PRPF39: variants seen among roughly 807,000 people sequenced by gnomAD.
PRPF39 encodes pre-mRNA processing factor 39.
In PRPF39, 27 loss-of-function variants were observed where a neutral mutation model predicts 82.1. That is an observed-to-expected ratio of 0.33 (90% confidence interval 0.24 to 0.45). The LOEUF is 0.45. PRPF39 is among the 20% of genes least tolerant of loss of function. The pLI is 1.00. For missense variants in PRPF39, 581 were observed against 796.9 expected (o/e 0.73, Z 3.26); for synonymous variants, 261 against 256.4 (o/e 1.02, Z -0.17).
At chr14:45,095,058 A>G (rs1356331680) in intron 1 of PRPF39, among the ~76,000 whole-genome samples, 163 bp from the exon 2 acceptor site, 1 of 152,200 alleles carries the variant, frequency 6.6e-6, no homozygotes, top group East Asian at 1.9e-4. Flanking sequence ...TTTTATTTAC[A>G]ATATAAAAAC....
At position 45,110,623 on chromosome 14, in the gene PRPF39, C is replaced by T. The variant is rs199930230; in HGVS notation, c.1378C>T (p.Arg460Ter). The change falls in exon 10 of 14, where the codon CGA (arginine) becomes TGA (stop). Residue 460 changes from arginine (R) to a stop codon, truncating the protein, a stop_gained. Transcript: ENST00000355765. LOFTEE classifies it high-confidence loss of function. The surrounding 1 kb of genome is among the most constrained non-coding windows in gnomAD (Gnocchi z 4.0). ...TCTAGGATTGGCAATGGTTCGTTTA[C>T]GAAGAGTAAGTTTAGAACGACGGCA... Reference protein sequence around the residue: ...CVLGLAMVRLRRVSLERRHGN... With the variant: ...CVLGLAMVRL The T allele has an allele frequency of 1.9e-6, 3 of 1,574,232 alleles. No homozygotes were observed. The highest frequency in any genetic ancestry group is 2.6e-6 in the Non-Finnish European group (3 of 1,158,406).
rs1344816274 is a variant in PRPF39 at position 45,116,275 on chromosome 14, T to C, written c.*1362T>C. ...ATTCTGTTGAAGAAGTCAAGGTACA[T>C]TTGATAAAAAGTGCCTCTCCCCTAC... On this transcript the variant is annotated 3_prime_UTR_variant, in exon 14 of 14. Transcript: ENST00000355765. The C allele has an allele frequency of 1.9e-6, 3 of 1,605,522 alleles. No homozygotes were observed. In the South Asian group the frequency reaches 3.3e-5, roughly 18 times the overall value.
intron 1 of PRPF39, among the ~76,000 whole-genome samples, chr14:45,086,855 T>G (rs532879763): frequency 1.6e-4 from 24 of 150,332 alleles, no homozygotes; most frequent in Non-Finnish European, 1.9e-4. Flanking sequence ...AGTTTTTTTT[T>G]TTTTTTTTTT....
Position 45,110,715 on chromosome 14 carries a change from A to C in PRPF39, c.1470A>C (p.Glu490Asp), listed in dbSNP as rs763674943. 1 of 1,565,654 alleles carries C rather than the reference A, an allele frequency of 6.4e-7. No homozygotes were observed. Among genetic ancestry groups the C allele is most frequent in the Non-Finnish European group, 8.7e-7 (1 of 1,154,002 alleles). The change falls in exon 10 of 14, where the codon GAA becomes GAC. Residue 490 changes from glutamate to aspartate, a missense_variant. Glu to Asp is a conservative substitution (Grantham distance 45). Coordinates refer to ENST00000355765, the MANE Select transcript of PRPF39 (RefSeq NM_017922.4). The surrounding 1 kb of genome is among the most constrained non-coding windows in gnomAD (Gnocchi z 4.0). ...DAIKNAKSNN[E>D]SSFYAVKLAR... ...TTAAGAATGCCAAATCAAATAATGA[A>C]TCTTCATTTTATGCTGTCAAACTAG...
chr14:45,100,537 C>T lies in PRPF39; in HGVS notation c.570-1992C>T, dbSNP rs1293982053. On this transcript the variant is annotated intron_variant, in intron 4 of 13. Coordinates refer to ENST00000355765, the MANE Select transcript of PRPF39 (RefSeq NM_017922.4). Reference sequence around the variant, plus strand: ...TTCATTAAGTATACCTTCTTCTAAACGTTCTGTCTTCATTTCATTACCTTC... The same window carrying T: ...TTCATTAAGTATACCTTCTTCTAAATGTTCTGTCTTCATTTCATTACCTTC... 6.6e-5 allele frequency among the ~76,000 whole-genome samples: 10 copies of T among 152,288 alleles called. No homozygotes were observed. In the East Asian group the frequency reaches 7.7e-4, roughly 12 times the overall value.
At position 45,116,156 on chromosome 14, in the gene PRPF39, T is replaced by C. The variant is rs910036338; in HGVS notation, c.*1243T>C. Reference sequence around the variant, plus strand: ...TGTAAATTTCTTCAAGGCCAAGTTTTATCATTGTTGCTAATATCCTTAGAG... The same window carrying C: ...TGTAAATTTCTTCAAGGCCAAGTTTCATCATTGTTGCTAATATCCTTAGAG... On this transcript the variant is annotated 3_prime_UTR_variant, in exon 14 of 14. Coordinates refer to ENST00000355765, the MANE Select transcript of PRPF39 (RefSeq NM_017922.4). 7.6e-6 allele frequency: 11 copies of C among 1,445,890 alleles called. No homozygotes were observed. Among genetic ancestry groups the C allele is most frequent in the Non-Finnish European group, 9.7e-6 (10 of 1,031,510 alleles). The allele number at this position is 1,445,890 out of a possible 1,614,324, so 89.6% of individuals were successfully genotyped here. A position where few individuals can be genotyped will look rare whatever the true frequency, so the allele number is the denominator to read the frequency against.
intron 5 of PRPF39, among the ~76,000 whole-genome samples, chr14:45,107,155 C>T (rs1884560283): frequency 6.6e-6 from 1 of 152,022 alleles, no homozygotes; most frequent in Non-Finnish European, 1.5e-5. Context: ...GAAAACCTTC[C>T]CTAGTCAGAT....
rs113629094 is a variant in PRPF39, at chr14:45,092,909, T to TAA, written c.-19-2303_-19-2302dup. Among the ~76,000 whole-genome samples the TAA allele has an allele frequency of 5.3e-3, 786 of 149,710 alleles. 12 individuals are homozygous for TAA. Among genetic ancestry groups the TAA allele is most frequent in the African/African-American group, 0.018 (737 of 41,008 alleles). On this transcript the variant is annotated intron_variant, in intron 1 of 13. Transcript: ENST00000355765. ...TATAGTATGGTAGTCATAAAATTGT[T>TAA]AAAAAAAAAATGTATCCAGTCAACT... is the stretch of plus-strand genomic sequence containing the variant.
At chr14:45,106,360 TAAAG>T (rs771340874) in intron 5 of PRPF39, among the ~76,000 whole-genome samples, 3 of 151,660 alleles carry the variant, frequency 2.0e-5, no homozygotes, top group East Asian at 1.9e-4. Context: ...CACAAGAAAA[TAAAG>T]AAAGAAATAC....
intron 6 of PRPF39, among the ~76,000 whole-genome samples, chr14:45,107,924 A>G (rs1458370387): frequency 2.6e-5 from 4 of 151,412 alleles, no homozygotes; most frequent in Non-Finnish European, 5.9e-5. Flanking sequence ...GCAAGACTCC[A>G]TCTCGGGGGG....
chr14:45,114,939 AGT>A lies in PRPF39; in HGVS notation c.*32_*33del. On this transcript the variant is annotated 3_prime_UTR_variant, in exon 14 of 14. Coordinates refer to ENST00000355765, the MANE Select transcript of PRPF39 (RefSeq NM_017922.4). ...TGGGAAAAATGTAAATTTCAAATGC[AGT>A]GTGTGAAAAGTATGAAATTATTATT... 6.5e-7 allele frequency: 1 copy of A among 1,535,040 alleles called. No individual in the cohort carries two copies. Among genetic ancestry groups the A allele is most frequent in the South Asian group, 1.1e-5 (1 of 89,140 alleles).
chr14:45,107,738 A>T, intron 6 of PRPF39, 122 bp downstream of exon 6: 2 of 935,038 alleles, frequency 2.1e-6, no homozygotes, highest in Non-Finnish European at 3.1e-6. Flanking sequence ...AGACCCATGT[A>T]GGCAACATGG....
Position 45,114,201 on chromosome 14 carries a change from T to G in PRPF39, c.1776T>G (p.Asp592Glu). The change falls in exon 12 of 14, where the codon GAT (aspartate) becomes GAG (glutamate). Residue 592 changes from aspartate to glutamate, a missense_variant. Coordinates refer to ENST00000355765, the MANE Select transcript of PRPF39 (RefSeq NM_017922.4). ...CTTTCAGGCTTCTGAATGCTTATGATGAACATCAAACACTCCTGAAAGAAC... is the reference window on the plus strand; with the variant it reads ...CTTTCAGGCTTCTGAATGCTTATGAGGAACATCAAACACTCCTGAAAGAAC... ...SDVNKLLNAY[D>E]EHQTLLKEQD... 1 of 1,598,168 alleles carries G rather than the reference T, an allele frequency of 6.3e-7. No homozygotes were observed. The highest frequency in any genetic ancestry group is 1.7e-4 in the Middle Eastern group (1 of 6,002).
rs1319096417 is a variant in PRPF39 at position 45,116,070 on chromosome 14, T to TAACTC, written c.*1158_*1162dup. 1 of 646,754 alleles carries TAACTC rather than the reference T, an allele frequency of 1.5e-6. No individual in the cohort carries two copies. The highest frequency in any genetic ancestry group is 2.7e-6 in the Non-Finnish European group (1 of 364,874). The allele number at this position is 646,754 out of a possible 1,614,324, so 40.1% of individuals were successfully genotyped here. ...CTGGGACCAAGTAAACAAATTTTAT[T>TAACTC]AACTCCTTGAATTTTCCAGTTGACT... On this transcript the variant is annotated 3_prime_UTR_variant, in exon 14 of 14. Coordinates refer to ENST00000355765, the MANE Select transcript of PRPF39 (RefSeq NM_017922.4).
At chr14:45,096,025 A>G in intron 2 of PRPF39, 78 bp from the exon 3 acceptor site, 1 of 1,279,110 alleles carries the variant, frequency 7.8e-7, no homozygotes, top group Non-Finnish European at 1.1e-6. Context: ...TTTTTAGATA[A>G]TAACGTTTGA....
intron 1 of PRPF39, among the ~76,000 whole-genome samples, chr14:45,091,451 T>C (rs1884022031): frequency 6.6e-6 from 1 of 152,188 alleles, no homozygotes; most frequent in African/African-American, 2.4e-5. Context: ...ATGCTACATT[T>C]TGAAATGATG....
Position 45,109,612 on chromosome 14 carries a change from T to C in PRPF39, c.1012-4T>C. On this transcript the variant is annotated splice_polypyrimidine_tract_variant and splice_region_variant and intron_variant, in intron 7 of 13. Transcript: ENST00000355765. Reference sequence around the variant, plus strand: ...TTCATTGGCATGTTACAATTTCATTTCAGATTAAAAGACCTTACTTTCATG... The same window carrying C: ...TTCATTGGCATGTTACAATTTCATTCCAGATTAAAAGACCTTACTTTCATG... 6.3e-7 allele frequency: 1 copy of C among 1,597,072 alleles called. No individual in the cohort carries two copies. The highest frequency in any genetic ancestry group is 1.8e-5 in the Admixed American group (1 of 56,620).
At position 45,096,942 on chromosome 14, in the gene PRPF39, A is replaced by G. The variant is rs1217011877; in HGVS notation, c.506A>G (p.Tyr169Cys). ...CTTAGTGTTGACCTTTGGATACATT[A>G]TATAAACTTCTTAAAAGAAACATTG... ...IPLSVDLWIH[Y>C]INFLKETLDP... Residue 169 changes from tyrosine (Y) to cysteine (C), a missense_variant, in exon 4 of 14, where the codon TAT becomes TGT. By Grantham distance (194) the Tyr-to-Cys change is radical. Coordinates refer to ENST00000355765, the MANE Select transcript of PRPF39 (RefSeq NM_017922.4). 6.4e-7 allele frequency: 1 copy of G among 1,552,466 alleles called. No individual in the cohort carries two copies. Among genetic ancestry groups the G allele is most frequent in the African/African-American group, 1.4e-5 (1 of 73,180 alleles).
At chr14:45,105,209 C>T (rs1189605948) in intron 5 of PRPF39, among the ~76,000 whole-genome samples, 1 of 152,044 alleles carries the variant, frequency 6.6e-6, no homozygotes, top group Non-Finnish European at 1.5e-5. Context: ...ATATTATGCA[C>T]ATTTTGTCAC....
Sources: gnomAD v4.1 joint callset for allele counts (sites outside exome capture counted in the v4.1 genomes callset) on GRCh38, gnomAD v4.1.1 for gene constraint, Gnocchi (gnomAD v3.1) non-coding constraint, MANE v1.5 for transcripts, NCBI Gene and HGNC (gene_info 2026-07-23, HGNC 2026-07-21) for gene names.